The following OSTF1 variants were observed in gnomAD, a reference collection of about 807,000 sequenced individuals.
OSTF1 encodes the protein osteoclast stimulating factor 1.
OSTF1 carries 27 observed loss-of-function variants against 37.2 expected under a neutral mutation model. That is an observed-to-expected ratio of 0.73 (90% CI 0.54 to 1.00). The LOEUF (loss-of-function observed/expected upper bound fraction) is 1.00, where lower values mean the gene tolerates loss of function less well. Ranked by LOEUF, OSTF1 falls within the 50% of genes least tolerant of loss-of-function variation. OSTF1 has a pLI of 0.00. For missense variants in OSTF1, 232 were observed against 253.8 expected (o/e 0.91, Z 0.58); for synonymous variants, 82 against 89.2 (o/e 0.92, Z 0.46).
chr9:75,136,764 C>G (rs1032909286), intron 7 of OSTF1, among the ~76,000 whole-genome samples: 1 of 152,100 alleles, frequency 6.6e-6, no homozygotes, highest in African/African-American at 2.4e-5. Flanking sequence ...TTGGGCTTCT[C>G]CATAGGGTGA....
intron 9 of OSTF1, among the ~76,000 whole-genome samples, chr9:75,144,442 C>T (rs1410550876): frequency 6.6e-6 from 1 of 152,114 alleles, no homozygotes; most frequent in East Asian, 1.9e-4. Flanking sequence ...GTCTTAGCTA[C>T]TTGGGAGGCT....
intron 1 of OSTF1, among the ~76,000 whole-genome samples, chr9:75,106,568 C>T (rs1825287156): frequency 6.8e-6 from 1 of 148,118 alleles, no homozygotes; most frequent in Admixed American, 6.8e-5. Context: ...TTGCTTGAAC[C>T]TGGAAGGTGG....
intron 1 of OSTF1, among the ~76,000 whole-genome samples, chr9:75,090,657 G>A (rs1824955895): frequency 6.6e-6 from 1 of 151,908 alleles, no homozygotes; most frequent in Non-Finnish European, 1.5e-5. Context: ...AACTTTGTGT[G>A]GGCTAGCTTA....
chr9:75,126,956 A>G (rs1825671990), intron 2 of OSTF1, among the ~76,000 whole-genome samples: 2 of 151,416 alleles, frequency 1.3e-5, no homozygotes, highest in East Asian at 1.9e-4. Context: ...TAATTAGCCA[A>G]CTCCTTAGAG....
At chr9:75,146,418 G>A (rs1826025553) in intron 9 of OSTF1, among the ~76,000 whole-genome samples, 2 of 152,204 alleles carry the variant, frequency 1.3e-5, no homozygotes, top group Admixed American at 1.3e-4. Context: ...GGTGCCTGTG[G>A]CTAGGCCTTT....
chr9:75,130,908 T>C (rs1159302509), intron 4 of OSTF1, among the ~76,000 whole-genome samples: 1 of 152,222 alleles, frequency 6.6e-6, no homozygotes, highest in Non-Finnish European at 1.5e-5. Context: ...TCTTCAACCC[T>C]TAAAACAATT....
intron 3 of OSTF1, among the ~76,000 whole-genome samples, chr9:75,129,969 G>A (rs7847469): frequency 0.11 from 17,225 of 152,064 alleles, 1,347 homozygotes; most frequent in African/African-American, 0.23. Flanking sequence ...TCAGAGATAC[G>A]TACTGAAATA....
Position 75,132,972 on chromosome 9 carries a change from T to TACACACAC in OSTF1, c.251-289_251-282dup, listed in dbSNP as rs57913558. On this transcript the variant is annotated intron_variant, in intron 5 of 9. Coordinates refer to ENST00000346234, the MANE Select transcript of OSTF1 (RefSeq NM_012383.5). ...AATAATATATACACATACACACACA[T>TACACACAC]ACACACACACACACACACACACACA... Among the ~76,000 whole-genome samples the TACACACAC allele has an allele frequency of 1.8e-3, 107 of 60,336 alleles. 1 individual carries two copies. The highest frequency in any genetic ancestry group is 3.6e-3 in the African/African-American group (91 of 24,978). 39.6% of individuals were successfully genotyped at this position (60,336 alleles called of 152,430 possible).
intron 1 of OSTF1, among the ~76,000 whole-genome samples, chr9:75,094,006 T>G (rs902542675): frequency 6.6e-6 from 1 of 152,216 alleles, no homozygotes; most frequent in African/African-American, 2.4e-5. Flanking sequence ...ATCCCTGTTT[T>G]ATGGATGAAG....
rs549046855 is a variant in OSTF1, at chr9:75,102,611, C to T, written c.34+13885C>T. ...GCTCATGCCCCAGTTTAATCTCTCGCCATCTTTTACCCCAGGCTTCAGGCA... is the reference window on the plus strand; with the variant it reads ...GCTCATGCCCCAGTTTAATCTCTCGTCATCTTTTACCCCAGGCTTCAGGCA... On this transcript the variant is annotated intron_variant, in intron 1 of 9. Coordinates refer to ENST00000346234, the MANE Select transcript of OSTF1 (RefSeq NM_012383.5). 3.3e-5 allele frequency among the ~76,000 whole-genome samples: 5 copies of T among 152,256 alleles called. No individual in the cohort carries two copies. In the East Asian group the frequency reaches 9.7e-4, roughly 29 times the overall value.
At position 75,127,551 on chromosome 9, in the gene OSTF1, C is replaced by CT. The variant is rs747390671; in HGVS notation, c.82-8dup. 4.3e-3 allele frequency: 5,947 copies of CT among 1,374,208 alleles called. No individual in the cohort carries two copies. The highest frequency in any genetic ancestry group is 5.9e-3 in the South Asian group (429 of 72,990). 85.1% of individuals were successfully genotyped at this position (1,374,208 alleles called of 1,614,324 possible). A position where few individuals can be genotyped will look rare whatever the true frequency, so the allele number is the denominator to read the frequency against. ...TCATGAAAAATCACATGGAGTCAAA[C>CT]TTTTTTTTTTCTTCTAGCCAGATGA... On this transcript the variant is annotated splice_polypyrimidine_tract_variant and intron_variant, in intron 2 of 9. Coordinates refer to ENST00000346234, the MANE Select transcript of OSTF1 (RefSeq NM_012383.5).
intron 2 of OSTF1, among the ~76,000 whole-genome samples, chr9:75,120,277 G>A (rs1342895185): frequency 6.6e-6 from 1 of 152,136 alleles, no homozygotes; most frequent in African/African-American, 2.4e-5. Flanking sequence ...GGCACAAAGA[G>A]CCCATAACAG....
In OSTF1 at chr9:75,090,984, C is replaced by T. The variant is rs144802094; in HGVS notation, c.34+2258C>T. Among the ~76,000 whole-genome samples, 877 of 151,856 alleles carry T rather than the reference C, an allele frequency of 5.8e-3. 8 individuals are homozygous for T. The highest frequency in any genetic ancestry group is 0.02 in the African/African-American group (843 of 41,392). ...TTGCACAGATGGGGAAATAAAGATG[C>T]GCAGAAATGTTATTTAACTTGTCTA... On this transcript the variant is annotated intron_variant, in intron 1 of 9. Transcript: ENST00000346234.
At chr9:75,144,209 A>G (rs1451921571) in intron 9 of OSTF1, among the ~76,000 whole-genome samples, 2 of 152,140 alleles carry the variant, frequency 1.3e-5, no homozygotes, top group Non-Finnish European at 2.9e-5. Context: ...AGGAGAGTGG[A>G]GAAGAATAGA....
intron 9 of OSTF1, among the ~76,000 whole-genome samples, chr9:75,144,810 A>G (rs1431935676): frequency 2.6e-5 from 4 of 151,886 alleles, no homozygotes; most frequent in African/African-American, 9.7e-5. Context: ...GTTTTTACTT[A>G]TTTATTTACT....
chr9:75,106,971 G>GAAAAAAAAAAAAAAA (rs916634369), intron 1 of OSTF1, among the ~76,000 whole-genome samples: 1 of 108,280 alleles, frequency 9.2e-6, no homozygotes, highest in African/African-American at 3.4e-5. Flanking sequence ...AAAAGAAAAA[G>GAAAAAAAAAAAAAAA]AAAAAGAAAA....
chr9:75,112,273 G>GTAT (rs1587450871), intron 1 of OSTF1, among the ~76,000 whole-genome samples: 1 of 152,134 alleles, frequency 6.6e-6, no homozygotes, highest in East Asian at 1.9e-4. Flanking sequence ...AATTAATTCA[G>GTAT]TATTATTATT....
At chr9:75,138,846 T>A (rs1825883053) in intron 8 of OSTF1, among the ~76,000 whole-genome samples, 1 of 152,098 alleles carries the variant, frequency 6.6e-6, no homozygotes. Flanking sequence ...GTCACAGAAC[T>A]GTTAACCCTC....
rs569242005 is a variant in OSTF1, at chr9:75,112,168, A to C, written c.35-5336A>C. Among the ~76,000 whole-genome samples, 4 of 151,250 alleles carry C rather than the reference A, an allele frequency of 2.6e-5. No individual in the cohort carries two copies. In the South Asian group the frequency reaches 8.3e-4, roughly 32 times the overall value. On this transcript the variant is annotated intron_variant, in intron 1 of 9. Transcript: ENST00000346234. Reference sequence around the variant, plus strand: ...GTTTGCAGGGAAGATAATATGAAACACAGAGTACTCTAATTTCTTCCCCTT... The same window carrying C: ...GTTTGCAGGGAAGATAATATGAAACCCAGAGTACTCTAATTTCTTCCCCTT...
Sources: allele counts gnomAD v4.1 joint callset (sites outside exome capture counted in the v4.1 genomes callset), GRCh38; gene constraint gnomAD v4.1.1; transcripts MANE v1.5; gene names NCBI Gene and HGNC (gene_info 2026-07-23, HGNC 2026-07-21).